SNTG1: variants seen among roughly 807,000 people sequenced by gnomAD.
SNTG1 encodes gamma-1-syntrophin.
SNTG1 carries 39 observed loss-of-function variants against 74.7 expected under a neutral mutation model. That is an observed-to-expected ratio of 0.52 (90% CI 0.40 to 0.68). SNTG1 has a LOEUF of 0.68. Among genes scored for constraint, SNTG1 ranks in the 30% least tolerant of loss-of-function variants. The pLI is 0.00. For missense variants in SNTG1, 685 were observed against 609.5 expected (o/e 1.12, Z -1.30); for synonymous variants, 254 against 217.1 (o/e 1.17, Z -1.49).
intron 2 of SNTG1, among the ~76,000 whole-genome samples, chr8:50,227,396 T>G (rs1051332743): frequency 4.6e-5 from 7 of 152,120 alleles, no homozygotes; most frequent in African/African-American, 1.7e-4. Flanking sequence ...GAAACAGGTC[T>G]TGAGAAATCT....
chr8:50,170,377 C>G (rs1339413952), intron 1 of SNTG1, among the ~76,000 whole-genome samples: 1 of 151,866 alleles, frequency 6.6e-6, no homozygotes, highest in East Asian at 1.9e-4. Flanking sequence ...ACTAAGGAAA[C>G]AACCTATGAA....
At chr8:50,351,069 C>A (rs1411057556) in intron 2 of SNTG1, among the ~76,000 whole-genome samples, 1 of 152,186 alleles carries the variant, frequency 6.6e-6, no homozygotes, top group African/African-American at 2.4e-5. Flanking sequence ...TTCTTGAAGT[C>A]AGTGAGACCA....
chr8:50,046,001 G>C (rs562711930), intron 1 of SNTG1, among the ~76,000 whole-genome samples: 1 of 152,330 alleles, frequency 6.6e-6, no homozygotes, highest in Admixed American at 6.5e-5. Context: ...GCCACAGGGT[G>C]TGTGTAGCAA....
intron 2 of SNTG1, among the ~76,000 whole-genome samples, chr8:50,302,016 C>T (rs1257430968): frequency 6.6e-6 from 1 of 152,086 alleles, no homozygotes; most frequent in Non-Finnish European, 1.5e-5. Context: ...GCCACCACGC[C>T]CAGCTACTTT....
intron 2 of SNTG1, among the ~76,000 whole-genome samples, chr8:50,363,216 A>G (rs1017288033): frequency 4.6e-5 from 7 of 152,190 alleles, no homozygotes; most frequent in African/African-American, 1.7e-4. Context: ...ATTTATGAAG[A>G]AACTATCAAG....
chr8:50,395,944 T>C lies in SNTG1; in HGVS notation c.27+1679T>C, dbSNP rs1014635314. 2.6e-5 allele frequency among the ~76,000 whole-genome samples: 4 copies of C among 152,226 alleles called. No individual in the cohort carries two copies. In the South Asian group the frequency reaches 6.2e-4, roughly 24 times the overall value. ...GATATTTGTGTGAATGAGATACTTATGGGACACATGACATTCATATGGTAC... is the reference window on the plus strand; with the variant it reads ...GATATTTGTGTGAATGAGATACTTACGGGACACATGACATTCATATGGTAC... On this transcript the variant is annotated intron_variant, in intron 3 of 18. Transcript: ENST00000642720.
intron 1 of SNTG1, among the ~76,000 whole-genome samples, chr8:49,982,018 G>T (rs1812724881): frequency 1.3e-5 from 2 of 151,944 alleles, no homozygotes. Context: ...AATCTATGGA[G>T]AAAACAATAG....
chr8:49,964,990 A>G (rs1160294455), intron 1 of SNTG1, among the ~76,000 whole-genome samples: 1 of 152,238 alleles, frequency 6.6e-6, no homozygotes, highest in Admixed American at 6.5e-5. Flanking sequence ...AAGGCAAGTT[A>G]AAATTAATGG....
intron 8 of SNTG1, among the ~76,000 whole-genome samples, chr8:50,477,742 G>A (rs1352550045): frequency 6.6e-6 from 1 of 152,128 alleles, no homozygotes; most frequent in Non-Finnish European, 1.5e-5. Flanking sequence ...GGGTACATGG[G>A]AACTCTCTGT....
At chr8:50,574,271 A>G (rs2094564827) in intron 12 of SNTG1, among the ~76,000 whole-genome samples, 1 of 152,148 alleles carries the variant, frequency 6.6e-6, no homozygotes, top group African/African-American at 2.4e-5. Flanking sequence ...GGTATTTAGT[A>G]TATTCTTTCA....
chr8:50,338,827 A>T (rs2091233202), intron 2 of SNTG1, among the ~76,000 whole-genome samples: 1 of 152,140 alleles, frequency 6.6e-6, no homozygotes, highest in African/African-American at 2.4e-5. Flanking sequence ...TGGGAATACC[A>T]GAAGAAGAAG....
intron 12 of SNTG1, among the ~76,000 whole-genome samples, chr8:50,577,448 G>GTT (rs79021190): frequency 6.5e-5 from 9 of 137,652 alleles, no homozygotes; most frequent in Admixed American, 1.5e-4. Context: ...TTGGTCCATA[G>GTT]TTTTTTTTTT....
chr8:49,961,134 C>G (rs939901158), intron 1 of SNTG1, among the ~76,000 whole-genome samples: 2 of 152,142 alleles, frequency 1.3e-5, no homozygotes, highest in East Asian at 3.9e-4. Context: ...TGCAGGGTCA[C>G]CCTGTTCTCT....
intron 13 of SNTG1, among the ~76,000 whole-genome samples, chr8:50,619,068 T>C (rs1487892791): frequency 2.0e-5 from 3 of 152,126 alleles, no homozygotes. Context: ...TATAAAACAA[T>C]GTTTTGTTCT....
At chr8:50,028,654 T>C (rs1817484460) in intron 1 of SNTG1, among the ~76,000 whole-genome samples, 1 of 152,094 alleles carries the variant, frequency 6.6e-6, no homozygotes, top group Admixed American at 6.6e-5. Context: ...GACGAGTTAG[T>C]GGGTGCAGCG....
chr8:50,570,226 T>TTTTTATTTTATTTTATTTTA (rs1175368970), intron 12 of SNTG1, among the ~76,000 whole-genome samples: 4,056 of 46,808 alleles, frequency 0.087, 750 homozygotes, highest in African/African-American at 0.18. Flanking sequence ...GGTGGTTCTA[T>TTTTTATTTTATTTTATTTTA]TTTTATTTTA....
chr8:50,078,781 C>T (rs1419357010), intron 1 of SNTG1, among the ~76,000 whole-genome samples: 1 of 152,148 alleles, frequency 6.6e-6, no homozygotes. Flanking sequence ...TCTCATTGCT[C>T]AACTCCCACT....
chr8:49,960,066 C>A (rs1049698372), intron 1 of SNTG1, among the ~76,000 whole-genome samples: 1 of 152,090 alleles, frequency 6.6e-6, no homozygotes, highest in African/African-American at 2.4e-5. Flanking sequence ...CATTGTAAAC[C>A]CACACAGGGT....
intron 1 of SNTG1, among the ~76,000 whole-genome samples, chr8:50,078,883 G>T (rs1822143994): frequency 6.6e-6 from 1 of 152,258 alleles, no homozygotes; most frequent in East Asian, 1.9e-4. Context: ...CCCTGCAAAG[G>T]ACATGAACTC....
Sources: allele counts gnomAD v4.1 joint callset (sites outside exome capture counted in the v4.1 genomes callset), GRCh38; gene constraint gnomAD v4.1.1; transcripts MANE v1.5; gene names NCBI Gene and HGNC (gene_info 2026-07-23, HGNC 2026-07-21).